INVS: variants seen among roughly 807,000 people sequenced by gnomAD.
INVS encodes inversin, also known as inversion of embryo turning homolog.
INVS carries 86 observed loss-of-function variants against 108.8 expected under a neutral mutation model. The ratio of observed to expected loss-of-function variants is 0.79; its 90% confidence interval spans 0.66 to 0.95. The LOEUF (loss-of-function observed/expected upper bound fraction) is 0.95, where lower values mean the gene tolerates loss of function less well. Ranked by LOEUF, INVS falls within the 40% of genes least tolerant of loss-of-function variation. The pLI is 0.00. For missense variants in INVS, 1,169 were observed against 1,297.4 expected (o/e 0.90, Z 1.52); for synonymous variants, 455 against 473.5 (o/e 0.96, Z 0.51).
Position 100,301,969 on chromosome 9 carries a change from C to A in INVS, c.*1295C>A. 2.6e-6 allele frequency: 1 copy of A among 388,562 alleles called. No homozygotes were observed. The highest frequency in any genetic ancestry group is 4.6e-6 in the Non-Finnish European group (1 of 217,466). The allele number at this position is 388,562 out of a possible 1,614,324, so 24.1% of individuals were successfully genotyped here. A position where few individuals can be genotyped will look rare whatever the true frequency, so the allele number is the denominator to read the frequency against. ...TTTAGCTCCTATGAAATGCACAATG[C>A]ACAACCGCCTATGACCATGTATCGT... On this transcript the variant is annotated 3_prime_UTR_variant, in exon 17 of 17. Coordinates refer to ENST00000262457, the MANE Select transcript of INVS (RefSeq NM_014425.5).
At chr9:100,116,585 A>G (rs1231799201) in intron 2 of INVS, among the ~76,000 whole-genome samples, 3 of 152,148 alleles carry the variant, frequency 2.0e-5, no homozygotes, top group East Asian at 1.9e-4. Context: ...CTAATTTATT[A>G]ATTTTTATGG....
At chr9:100,237,121 G>A (rs576288305) in intron 5 of INVS, among the ~76,000 whole-genome samples, 8 of 152,258 alleles carry the variant, frequency 5.3e-5, no homozygotes, top group East Asian at 3.9e-4. Flanking sequence ...GGTGGGCTCC[G>A]CTCAGTTCAA....
intron 3 of INVS, among the ~76,000 whole-genome samples, chr9:100,173,628 C>T (rs933325937): frequency 6.6e-5 from 10 of 152,110 alleles, no homozygotes; most frequent in African/African-American, 2.4e-4. Flanking sequence ...ACTCAGGAGG[C>T]TGAGACAGGA....
At chr9:100,116,459 T>C (rs1402619245) in intron 2 of INVS, among the ~76,000 whole-genome samples, 1 of 152,180 alleles carries the variant, frequency 6.6e-6, no homozygotes, top group African/African-American at 2.4e-5. Flanking sequence ...TTATTTATTC[T>C]GGAATAAAAG....
rs768057712 is a variant in INVS, at chr9:100,246,577, C to CTCCATT, written c.907-38_907-37insCCATTT. On this transcript the variant is annotated intron_variant, in intron 7 of 16. Transcript: ENST00000262457. ...GACTTTATTACCACAGAAAATACTA[C>CTCCATT]TGTTTTGTCTCCATTTTTTAAATCA... 4.5e-5 allele frequency: 65 copies of CTCCATT among 1,457,994 alleles called. No homozygotes were observed. The African/African-American group carries it at 8.4e-4, about 19-fold the overall frequency. 90.3% of individuals were successfully genotyped at this position (1,457,994 alleles called of 1,614,324 possible).
intron 10 of INVS, 52 bp from the exon 11 acceptor site, chr9:100,264,770 A>C: frequency 8.4e-7 from 1 of 1,192,880 alleles, no homozygotes; most frequent in Non-Finnish European, 1.3e-6. Flanking sequence ...AAATAACCAC[A>C]TATCCAAAAA....
At chr9:100,288,924 G>T (rs536957769) in intron 13 of INVS, among the ~76,000 whole-genome samples, 2 of 152,074 alleles carry the variant, frequency 1.3e-5, no homozygotes, top group Non-Finnish European at 2.9e-5. Flanking sequence ...TATTGTGTCC[G>T]CCCTGATTTG....
intron 3 of INVS, among the ~76,000 whole-genome samples, chr9:100,199,589 G>A (rs1006484766): frequency 7.2e-5 from 11 of 152,092 alleles, no homozygotes; most frequent in South Asian, 2.1e-4. Context: ...TTCACTTACC[G>A]CATTGGAATA....
intron 3 of INVS, among the ~76,000 whole-genome samples, chr9:100,157,518 G>T (rs953024991): frequency 6.6e-6 from 1 of 151,802 alleles, no homozygotes; most frequent in Non-Finnish European, 1.5e-5. Context: ...CGCCCGCCTC[G>T]GCCTCCCAAA....
intron 3 of INVS, among the ~76,000 whole-genome samples, chr9:100,157,267 C>CTTTTTTTTTTTTTTT (rs770493291): frequency 3.8e-5 from 5 of 130,098 alleles, no homozygotes; most frequent in African/African-American, 6.6e-5. Flanking sequence ...TCTTTTTTTT[C>CTTTTTTTTTTTTTTT]TTTTTTTTTT....
At chr9:100,184,150 A>G (rs1829985568) in intron 3 of INVS, among the ~76,000 whole-genome samples, 1 of 152,158 alleles carries the variant, frequency 6.6e-6, no homozygotes, top group Non-Finnish European at 1.5e-5. Context: ...CAAGAGAAAA[A>G]ATTTTAAAGG....
In INVS at chr9:100,110,078, A is replaced by G. The variant is rs558352685; in HGVS notation, c.106+5451A>G. On this transcript the variant is annotated intron_variant, in intron 2 of 16. Transcript: ENST00000262457. Reference sequence around the variant, plus strand: ...TACTTCTTCCCTTACCTCAATCCCTACCTTAAAAGCTAGAGTCATTAAATG... The same window carrying G: ...TACTTCTTCCCTTACCTCAATCCCTGCCTTAAAAGCTAGAGTCATTAAATG... 1.5e-3 allele frequency among the ~76,000 whole-genome samples: 222 copies of G among 152,330 alleles called. 2 individuals carry two copies. The highest frequency in any genetic ancestry group is 9.5e-3 in the South Asian group (46 of 4,826).
intron 5 of INVS, among the ~76,000 whole-genome samples, chr9:100,234,009 A>G (rs532941280): frequency 8.6e-5 from 13 of 151,402 alleles, no homozygotes; most frequent in African/African-American, 3.2e-4. Flanking sequence ...CTGGACTTTT[A>G]TTGGTTGGTA....
chr9:100,144,555 A>C (rs1365194174), intron 3 of INVS, among the ~76,000 whole-genome samples: 1 of 152,174 alleles, frequency 6.6e-6, no homozygotes, highest in East Asian at 1.9e-4. Flanking sequence ...GGTCGGATAA[A>C]GAAAAAGGAG....
At chr9:100,155,908 T>C (rs1304801842) in intron 3 of INVS, among the ~76,000 whole-genome samples, 1 of 152,202 alleles carries the variant, frequency 6.6e-6, no homozygotes, top group African/African-American at 2.4e-5. Context: ...CTGCTAAAAA[T>C]TTATATTTCT....
At chr9:100,195,599 T>C (rs1399098559) in intron 3 of INVS, among the ~76,000 whole-genome samples, 1 of 152,170 alleles carries the variant, frequency 6.6e-6, no homozygotes, top group Non-Finnish European at 1.5e-5. Context: ...GCAATTCTCC[T>C]GGCTCAGCCT....
At chr9:100,228,643 A>G (rs1350018313) in intron 4 of INVS, among the ~76,000 whole-genome samples, 1 of 152,188 alleles carries the variant, frequency 6.6e-6, no homozygotes, top group African/African-American at 2.4e-5. Flanking sequence ...GGATGAACTA[A>G]ATAACTGTCA....
intron 12 of INVS, 112 bp from the exon 13 acceptor site, chr9:100,284,208 C>A: frequency 7.8e-7 from 1 of 1,290,046 alleles, no homozygotes. Flanking sequence ...ATGCAAATTT[C>A]CAAATATCTC....
chr9:100,284,662 G>A (rs933977253), intron 13 of INVS, 59 bp downstream of exon 13: 1 of 1,556,678 alleles, frequency 6.4e-7, no homozygotes, highest in Admixed American at 1.8e-5. Context: ...TTTTTTGATT[G>A]GTGTATTTAG....
Sources: allele counts gnomAD v4.1 joint callset (sites outside exome capture counted in the v4.1 genomes callset), GRCh38; gene constraint gnomAD v4.1.1; transcripts MANE v1.5; gene names NCBI Gene and HGNC (gene_info 2026-07-23, HGNC 2026-07-21).